Variants in NID2 observed in about 807,000 individuals in gnomAD.
NID2 encodes nidogen-2.
Under a neutral mutation model 145.4 loss-of-function variants are expected in NID2, and 83 were observed. The ratio of observed to expected loss-of-function variants is 0.57; its 90% confidence interval spans 0.48 to 0.69. NID2 has a LOEUF of 0.69. NID2 is among the 30% of genes least tolerant of loss of function. The probability of loss-of-function intolerance (pLI) is 0.00; values close to 1 mark genes in which losing one functional copy is unlikely to be tolerated. For missense variants in NID2, 1,807 were observed against 1,765.7 expected, an observed-to-expected ratio of 1.02 and a Z score of -0.42; for synonymous variants, 739 against 701.3, an observed-to-expected ratio of 1.05 and a Z score of -0.85.
At chr14:52,055,930 C>CTTGTGT (rs1555365953) in intron 3 of NID2, among the ~76,000 whole-genome samples, 3 of 148,752 alleles carry the variant, frequency 2.0e-5, no homozygotes, top group Admixed American at 6.7e-5. Flanking sequence ...ATGTCTTTCT[C>CTTGTGT]TTGTGTGTGT....
intron 9 of NID2, among the ~76,000 whole-genome samples, chr14:52,035,856 G>A (rs58189195): frequency 0.069 from 4,437 of 64,736 alleles, 112 homozygotes; most frequent in Middle Eastern, 0.16. Flanking sequence ...ATTTTTTTGT[G>A]TATATATATA....
At chr14:52,059,939 G>C (rs948401564) in intron 3 of NID2, among the ~76,000 whole-genome samples, 185 bp downstream of exon 3, 11 of 152,154 alleles carry the variant, frequency 7.2e-5, no homozygotes, top group Non-Finnish European at 1.0e-4. Context: ...GAAAAATAAA[G>C]GACCTTTTAT....
At chr14:52,067,071 G>A (rs947293552) in intron 2 of NID2, among the ~76,000 whole-genome samples, 1 of 152,146 alleles carries the variant, frequency 6.6e-6, no homozygotes, top group Admixed American at 6.5e-5. Flanking sequence ...CATCCTCTCT[G>A]ACCTACCAAT....
At chr14:52,044,266 C>CTTTTTTTT (rs55972168) in intron 5 of NID2, among the ~76,000 whole-genome samples, 5 of 113,918 alleles carry the variant, frequency 4.4e-5, no homozygotes, top group Admixed American at 1.1e-4. Flanking sequence ...ATTTAACAAC[C>CTTTTTTTT]TTTTTTTTTT....
intron 9 of NID2, among the ~76,000 whole-genome samples, chr14:52,030,575 AGG>A (rs1216651908): frequency 0.028 from 950 of 33,908 alleles, 64 homozygotes; most frequent in Non-Finnish European, 0.03. Flanking sequence ...AAAGGAAGGA[AGG>A]GAAAGAAAGA....
At chr14:52,007,177 T>C (rs1377590530) in intron 19 of NID2, 1 of 153,580 alleles carries the variant, frequency 6.5e-6, no homozygotes, top group Non-Finnish European at 1.4e-5. Context: ...TTTCCAAGTT[T>C]CACATTTCTC....
chr14:52,019,000 G>A lies in NID2; in HGVS notation c.3028+61C>T. 3 of 1,361,042 alleles carry A rather than the reference G, an allele frequency of 2.2e-6. No individual in the cohort carries two copies. The South Asian group carries it at 3.7e-5, about 17-fold the overall frequency. The allele number at this position is 1,361,042 out of a possible 1,614,324, so 84.3% of individuals were successfully genotyped here. The stretch of plus-strand genomic sequence containing the variant: ...CCCCGTGCCTGCGTGGTCTGGGCAG[G>A]AATTATGATCTACCTACCACCAGTG... On this transcript the variant is annotated intron_variant, in intron 14 of 21. Coordinates refer to ENST00000216286, the MANE Select transcript of NID2 (RefSeq NM_007361.4).
intron 9 of NID2, among the ~76,000 whole-genome samples, chr14:52,037,564 C>T (rs1892117225): frequency 6.6e-6 from 1 of 152,296 alleles, no homozygotes; most frequent in East Asian, 1.9e-4. Context: ...CTTGATTACT[C>T]TAGATTTCGA....
At chr14:52,035,984 C>T (rs892121485) in intron 9 of NID2, among the ~76,000 whole-genome samples, 3 of 151,730 alleles carry the variant, frequency 2.0e-5, no homozygotes, top group Admixed American at 6.6e-5. Context: ...GCTGGGATTA[C>T]AGGCATAAGC....
intron 5 of NID2, among the ~76,000 whole-genome samples, chr14:52,047,082 C>G (rs193136327): frequency 6.6e-6 from 1 of 152,204 alleles, no homozygotes; most frequent in Non-Finnish European, 1.5e-5. Flanking sequence ...TGAGCATTCA[C>G]TATAGACCTG....
Position 52,014,415 on chromosome 14 carries a change from G to A in NID2, c.3292C>T (p.Arg1098Trp), listed in dbSNP as rs1264120329. ...VAPPMVRPTP[R>W]PDVTPPSVGT... Reference sequence around the variant, plus strand: ...ACAGATGGAGGGGTCACATCTGGCCGGGGCGTGGGCCGGACCATGGGTGGA... The same window carrying A: ...ACAGATGGAGGGGTCACATCTGGCCAGGGCGTGGGCCGGACCATGGGTGGA... Residue 1098 changes from arginine to tryptophan, a missense_variant, in exon 16 of 22, where the codon CGG becomes TGG. Physicochemically the swap from Arg to Trp is moderately radical, Grantham distance 101. Coordinates refer to ENST00000216286, the MANE Select transcript of NID2 (RefSeq NM_007361.4). 10 of 1,613,828 alleles carry A rather than the reference G, an allele frequency of 6.2e-6. No homozygotes were observed. Among genetic ancestry groups the A allele is most frequent in the Middle Eastern group, 1.6e-4 (1 of 6,084 alleles).
rs752892083 is a variant in NID2 at position 52,011,653 on chromosome 14, A to C, written c.3451T>G (p.Cys1151Gly). The change falls in exon 17 of 22, where the codon TGC becomes GGC. Residue 1151 changes from cysteine to glycine, a missense_variant. Transcript: ENST00000216286. ...GSIIVGIDYD[C>G]RERMVYWTDV... The stretch of plus-strand genomic sequence containing the variant: ...GTCCAGTACACCATCCTCTCCCGGC[A>C]GTCGTAATCAATTCCCACGATTATG... 1.3e-5 allele frequency: 21 copies of C among 1,614,188 alleles called. 1 individual carries two copies. In the South Asian group the frequency reaches 2.3e-4, roughly 18 times the overall value.
chr14:52,036,735 T>G (rs1201468031), intron 9 of NID2, among the ~76,000 whole-genome samples: 2 of 152,208 alleles, frequency 1.3e-5, no homozygotes, highest in Non-Finnish European at 2.9e-5. Flanking sequence ...TGGTTTTGAT[T>G]TGCATTTCCC....
At chr14:52,008,051 T>A (rs1890860885) in intron 18 of NID2, 84 bp from the exon 19 acceptor site, 2 of 1,096,592 alleles carry the variant, frequency 1.8e-6, no homozygotes, top group African/African-American at 3.2e-5. Context: ...GTGATCTCCA[T>A]CTCCTCATGT....
intron 8 of NID2, among the ~76,000 whole-genome samples, chr14:52,040,434 C>T (rs1345778390): frequency 6.6e-6 from 1 of 152,124 alleles, no homozygotes; most frequent in Non-Finnish European, 1.5e-5. Flanking sequence ...TTTGAAAATA[C>T]TATGTAGGGA....
intron 2 of NID2, among the ~76,000 whole-genome samples, chr14:52,064,046 T>G (rs190314700): frequency 6.6e-6 from 1 of 152,358 alleles, no homozygotes; most frequent in African/African-American, 2.4e-5. Flanking sequence ...AGACTCAGTC[T>G]GAACTCTCTT....
Position 52,040,686 on chromosome 14 carries a change from G to A in NID2, c.1991C>T (p.Ser664Phe). 1.9e-6 allele frequency: 3 copies of A among 1,614,104 alleles called. No homozygotes were observed. Among genetic ancestry groups the A allele is most frequent in the African/African-American group, 1.3e-5 (1 of 75,022 alleles). The change falls in exon 8 of 22, where the codon TCT (serine) becomes TTT (phenylalanine). Residue 664 changes from serine to phenylalanine, a missense_variant. By Grantham distance (155) the Ser-to-Phe change is radical. Transcript: ENST00000216286. The part of the protein sequence containing the change: ...YVSANFTAHI[S>F]PYKELYHYSD... ...GTAGTGGTACAGCTCCTTGTAGGGA[G>A]AGATGTGGGCTGTGAAATTTGCTGA...
Position 52,053,900 on chromosome 14 carries a change from A to G in NID2, c.1108T>C (p.Ser370Pro), listed in dbSNP as rs1248081838. 3 of 1,613,988 alleles carry G rather than the reference A, an allele frequency of 1.9e-6. No individual in the cohort carries two copies. In the South Asian group the frequency reaches 3.3e-5, roughly 18 times the overall value. ...TCTGGGCCCCCTACCTCTCCCAGAG[A>G]TGTTCCTTCTTTGGTGTGAGGATCC... The part of the protein sequence containing the change: ...TLDPHTKEGT[S>P]LGEVGGPDLK... Residue 370 changes from serine to proline, a missense_variant, in exon 5 of 22, where the codon TCT (serine) becomes CCT (proline). Ser to Pro is a moderately conservative substitution (Grantham distance 74). Coordinates refer to ENST00000216286, the MANE Select transcript of NID2 (RefSeq NM_007361.4).
chr14:52,042,439 A>G, intron 6 of NID2, 89 bp from the exon 7 acceptor site: 1 of 1,442,078 alleles, frequency 6.9e-7, no homozygotes, highest in Non-Finnish European at 9.4e-7. Context: ...GACAACTTCC[A>G]AAACTCACTC....
Sources: allele counts gnomAD v4.1 joint callset (sites outside exome capture counted in the v4.1 genomes callset), GRCh38; gene constraint gnomAD v4.1.1; transcripts MANE v1.5; gene names NCBI Gene and HGNC (gene_info 2026-07-23, HGNC 2026-07-21).